STPG2: variants seen among roughly 807,000 people sequenced by gnomAD.
The protein encoded by STPG2 is sperm tail PG-rich repeat containing 2.
STPG2 carries 56 observed loss-of-function variants against 54.2 expected under a neutral mutation model. The observed-to-expected ratio is 1.03, with a 90% confidence interval of 0.83 to 1.29. The LOEUF (loss-of-function observed/expected upper bound fraction) is 1.29. Among genes scored for constraint, STPG2 ranks in the 50% most tolerant of loss-of-function variants. The pLI is 0.00. For missense variants in STPG2, 596 were observed against 544.9 expected, an observed-to-expected ratio of 1.09 and a Z score of -0.93; for synonymous variants, 200 against 181.8, an observed-to-expected ratio of 1.10 and a Z score of -0.81.
chr4:97,585,574 A>G (rs956062508), intron 10 of STPG2, among the ~76,000 whole-genome samples: 1 of 151,988 alleles, frequency 6.6e-6, no homozygotes, highest in African/African-American at 2.4e-5. Flanking sequence ...CCCAGACTGG[A>G]AAGTTTTCTA....
At chr4:97,792,258 G>C (rs1727025675) in intron 9 of STPG2, among the ~76,000 whole-genome samples, 1 of 151,990 alleles carries the variant, frequency 6.6e-6, no homozygotes, top group Non-Finnish European at 1.5e-5. Context: ...CCAAAAATAA[G>C]CTCCTGATAA....
intron 8 of STPG2, among the ~76,000 whole-genome samples, chr4:97,848,472 G>A (rs1729037205): frequency 6.6e-6 from 1 of 152,066 alleles, no homozygotes; most frequent in Non-Finnish European, 1.5e-5. Flanking sequence ...AATGACAGTA[G>A]GAATCTAGGG....
At chr4:97,721,686 A>C (rs902957408) in intron 9 of STPG2, among the ~76,000 whole-genome samples, 15 of 152,132 alleles carry the variant, frequency 9.9e-5, no homozygotes, top group African/African-American at 3.4e-4. Context: ...AAACATATTT[A>C]TACAATAAAC....
chr4:97,611,789 C>T (rs1177294923), intron 10 of STPG2, among the ~76,000 whole-genome samples: 1 of 151,350 alleles, frequency 6.6e-6, no homozygotes, highest in African/African-American at 2.4e-5. Flanking sequence ...AATTACCTCA[C>T]AGTACAAAAT....
At chr4:98,051,773 G>A (rs1737327222) in intron 5 of STPG2, among the ~76,000 whole-genome samples, 1 of 151,954 alleles carries the variant, frequency 6.6e-6, no homozygotes, top group African/African-American at 2.4e-5. Context: ...TTGCTTGAGA[G>A]CATCATAGAG....
At chr4:98,027,205 A>G (rs990382459) in intron 5 of STPG2, among the ~76,000 whole-genome samples, 4 of 152,220 alleles carry the variant, frequency 2.6e-5, no homozygotes, top group Admixed American at 1.3e-4. Flanking sequence ...ACATACATTT[A>G]TTAACTTAAT....
intron 10 of STPG2, among the ~76,000 whole-genome samples, chr4:97,665,869 C>T (rs1476630761): frequency 2.0e-5 from 3 of 152,174 alleles, no homozygotes; most frequent in Non-Finnish European, 4.4e-5. Context: ...CACACACACC[C>T]AGCTGGAGTG....
rs879765991 is a variant in STPG2, at chr4:97,590,676, G to C, written c.1321-31559C>G. On this transcript the variant is annotated intron_variant, in intron 10 of 10. Coordinates refer to ENST00000295268, the MANE Select transcript of STPG2 (RefSeq NM_174952.3). ...ACACACACACACACACACACACAGA[G>C]AGAAACATTAAAGGACCAACAAAGA... Among the ~76,000 whole-genome samples, 75 of 99,828 alleles carry C rather than the reference G, an allele frequency of 7.5e-4. 1 individual carries two copies. The highest frequency in any genetic ancestry group is 2.4e-3 in the East Asian group (8 of 3,286). 65.5% of individuals were successfully genotyped at this position (99,828 alleles called of 152,430 possible).
intron 5 of STPG2, among the ~76,000 whole-genome samples, chr4:98,021,650 C>CTT (rs1736201156): frequency 6.6e-6 from 1 of 151,992 alleles, no homozygotes; most frequent in Admixed American, 6.6e-5. Flanking sequence ...GTGTGGGAGT[C>CTT]TAAGTCTCTT....
At chr4:97,864,607 G>A (rs1035906600) in intron 8 of STPG2, among the ~76,000 whole-genome samples, 2 of 152,044 alleles carry the variant, frequency 1.3e-5, no homozygotes, top group African/African-American at 4.8e-5. Context: ...AGTTTATATG[G>A]AATCAAAAAA....
chr4:97,677,994 A>G (rs1367125716), intron 10 of STPG2, among the ~76,000 whole-genome samples: 1 of 152,148 alleles, frequency 6.6e-6, no homozygotes, highest in East Asian at 1.9e-4. Flanking sequence ...ACCTATATAT[A>G]CATCATTAAA....
chr4:97,625,008 T>C (rs1734103963), intron 10 of STPG2, among the ~76,000 whole-genome samples: 1 of 152,130 alleles, frequency 6.6e-6, no homozygotes, highest in Non-Finnish European at 1.5e-5. Context: ...CATGTTTGAA[T>C]GTAGGTGGCC....
chr4:97,698,538 C>T (rs1560724980), intron 10 of STPG2, among the ~76,000 whole-genome samples: 1 of 152,080 alleles, frequency 6.6e-6, no homozygotes, highest in African/African-American at 2.4e-5. Flanking sequence ...GAACTAAGAC[C>T]TCTAGGCTAG....
intron 10 of STPG2, among the ~76,000 whole-genome samples, chr4:97,616,448 C>A (rs972117084): frequency 6.6e-6 from 1 of 151,960 alleles, no homozygotes; most frequent in Non-Finnish European, 1.5e-5. Flanking sequence ...CTATTCACAA[C>A]AGATTTTGAA....
At chr4:97,972,115 A>G (rs912427050) in intron 7 of STPG2, among the ~76,000 whole-genome samples, 165 bp downstream of exon 7, 1 of 152,092 alleles carries the variant, frequency 6.6e-6, no homozygotes, top group Non-Finnish European at 1.5e-5. Flanking sequence ...CCATTTCTCT[A>G]TTATGTAATA....
chr4:98,135,165 AG>A (rs1740104043), intron 1 of STPG2, among the ~76,000 whole-genome samples: 1 of 151,896 alleles, frequency 6.6e-6, no homozygotes, highest in Non-Finnish European at 1.5e-5. Context: ...ATATTCAAAC[AG>A]GTAATAAAAG....
At chr4:97,865,446 T>G (rs1729732161) in intron 8 of STPG2, among the ~76,000 whole-genome samples, 1 of 152,154 alleles carries the variant, frequency 6.6e-6, no homozygotes. Context: ...CAACAGGTGC[T>G]GGAGAGGATG....
intron 5 of STPG2, among the ~76,000 whole-genome samples, chr4:98,028,832 A>G (rs910884553): frequency 2.6e-5 from 4 of 152,068 alleles, no homozygotes; most frequent in African/African-American, 9.7e-5. Context: ...TTAATTCTAT[A>G]TATTACCCAC....
At chr4:97,907,627 G>C (rs913614896) in intron 8 of STPG2, among the ~76,000 whole-genome samples, 1 of 152,096 alleles carries the variant, frequency 6.6e-6, no homozygotes, top group Non-Finnish European at 1.5e-5. Context: ...ATACTACAAG[G>C]CTACAGTAAC....
Sources: gnomAD v4.1 joint callset for allele counts (sites outside exome capture counted in the v4.1 genomes callset) on GRCh38, gnomAD v4.1.1 for gene constraint, MANE v1.5 for transcripts, NCBI Gene and HGNC (gene_info 2026-07-23, HGNC 2026-07-21) for gene names.